The following LITAF variants were observed in gnomAD, a reference collection of about 807,000 sequenced individuals.
The protein encoded by LITAF is lipopolysaccharide induced TNF factor.
LITAF carries 9 observed loss-of-function variants against 14.5 expected under a neutral mutation model. The ratio of observed to expected loss-of-function variants is 0.62; its 90% CI spans 0.37 to 1.08. The LOEUF (loss-of-function observed/expected upper bound fraction) is 1.08. Among genes scored for constraint, LITAF ranks in the 50% least tolerant of loss-of-function variants. The pLI is 0.01. For synonymous variants in LITAF, 98 were observed against 88.2 expected, an observed-to-expected ratio of 1.11 and a Z score of -0.62; for missense variants, 206 against 213.4, an observed-to-expected ratio of 0.97 and a Z score of 0.22.
At chr16:11,560,228 T>G (rs1597336554) in intron 1 of LITAF, among the ~76,000 whole-genome samples, 1 of 150,722 alleles carries the variant, frequency 6.6e-6, no homozygotes, top group Non-Finnish European at 1.5e-5. Context: ...ACACGGGAGG[T>G]GGAGGTTGCA....
rs1226655058 is a variant in LITAF at position 11,547,787 on chromosome 16, G to A, written c.*1850C>T. ...TTGCCGCCATCAATGACGCCTATTGGGTTCCAATAGCCTCATGTTCAAATC... is the reference window on the plus strand; with the variant it reads ...TTGCCGCCATCAATGACGCCTATTGAGTTCCAATAGCCTCATGTTCAAATC... On this transcript the variant is annotated 3_prime_UTR_variant, in exon 4 of 4. Transcript: ENST00000622633. The A allele has an allele frequency of 1.1e-5, 5 of 453,932 alleles. No homozygotes were observed. Among genetic ancestry groups the A allele is most frequent in the African/African-American group, 1.0e-4 (5 of 49,982 alleles). The allele number at this position is 453,932 out of a possible 1,614,324, so 28.1% of individuals were successfully genotyped here. A position where few individuals can be genotyped will look rare whatever the true frequency, so the allele number is the denominator to read the frequency against.
intron 1 of LITAF, among the ~76,000 whole-genome samples, chr16:11,582,201 A>G (rs1040663824): frequency 6.6e-6 from 1 of 152,116 alleles, no homozygotes; most frequent in Non-Finnish European, 1.5e-5. Flanking sequence ...TCTTTATCCC[A>G]TAAATGTGTA....
chr16:11,588,036 C>T (rs1279371701), upstream of LITAF, among the ~76,000 whole-genome samples: 1 of 152,096 alleles, frequency 6.6e-6, no homozygotes, highest in Non-Finnish European at 1.5e-5. Flanking sequence ...GGTCCCTCAG[C>T]AAAGTGTCCC....
intron 1 of LITAF, among the ~76,000 whole-genome samples, chr16:11,578,107 C>T (rs1407942232): frequency 6.6e-6 from 1 of 152,080 alleles, no homozygotes; most frequent in Non-Finnish European, 1.5e-5. Flanking sequence ...ATATGTTGCT[C>T]AGGCCGGTCT....
chr16:11,618,439 T>A (rs536833272), intron 3 of LITAF, among the ~76,000 whole-genome samples: 97 of 152,346 alleles, frequency 6.4e-4, no homozygotes, highest in African/African-American at 2.2e-3. Context: ...GACTGAGTCC[T>A]TTGACCGTGC....
At chr16:11,599,307 G>T (rs552476465), upstream of LITAF, among the ~76,000 whole-genome samples, 1 of 152,024 alleles carries the variant, frequency 6.6e-6, no homozygotes, top group East Asian at 1.9e-4. Context: ...TAGTAGAGAC[G>T]GGGTTTCACC....
At chr16:11,638,893 T>C (rs2065153732), upstream of LITAF, among the ~76,000 whole-genome samples, 1 of 152,046 alleles carries the variant, frequency 6.6e-6, no homozygotes, top group African/African-American at 2.4e-5. Context: ...GTGTATTTTT[T>C]TTTTTGCATT....
chr16:11,597,803 C>T (rs762434936), intron 1 of LITAF, among the ~76,000 whole-genome samples: 6 of 152,204 alleles, frequency 3.9e-5, no homozygotes, highest in Non-Finnish European at 7.3e-5. Context: ...CTGTTTTCCC[C>T]GCTCCAGCCC....
intron 1 of LITAF, among the ~76,000 whole-genome samples, chr16:11,581,609 G>A (rs1056948795): frequency 1.3e-5 from 2 of 152,078 alleles, no homozygotes; most frequent in African/African-American, 4.8e-5. Context: ...ACAGAACAAG[G>A]CCCTATCTCA....
chr16:11,611,764 G>C lies in LITAF; in HGVS notation c.85+21769C>G, dbSNP rs183749223. Among the ~76,000 whole-genome samples, 57 of 151,784 alleles carry C rather than the reference G, an allele frequency of 3.8e-4. 1 individual carries two copies. Among genetic ancestry groups the C allele is most frequent in the Admixed American group, 3.2e-3 (48 of 15,238 alleles). ...TGCAATCTCCACCTCTCGGGTTCAA[G>C]TGATTCTCCTGCCTCAGCCTCCTGA... On this transcript the variant is annotated intron_variant, in intron 3 of 3. Transcript: ENST00000574848.
Position 11,563,036 on chromosome 16 carries a change from G to A in LITAF, c.-5-6301C>T, listed in dbSNP as rs1211548096. Among the ~76,000 whole-genome samples the A allele has an allele frequency of 3.3e-5, 5 of 151,872 alleles. No individual in the cohort carries two copies. In the East Asian group the frequency reaches 9.7e-4, roughly 29 times the overall value. On this transcript the variant is annotated intron_variant, in intron 1 of 3. Coordinates refer to ENST00000622633, the MANE Select transcript of LITAF (RefSeq NM_001136472.2). ...CCAGCTATTAAGGAAGCTGAGGTCG[G>A]AGGATTTGCTCGAGCCTGGGAGCTT...
chr16:11,576,434 A>T (rs2064635267), intron 1 of LITAF, among the ~76,000 whole-genome samples: 1 of 151,730 alleles, frequency 6.6e-6, no homozygotes. Flanking sequence ...GCACCACTGC[A>T]CTCCAGCCTA....
chr16:11,554,161 G>A (rs2064229691), intron 2 of LITAF, among the ~76,000 whole-genome samples: 1 of 152,168 alleles, frequency 6.6e-6, no homozygotes, highest in African/African-American at 2.4e-5. Context: ...GAGTCTGAGA[G>A]ATTGAGGATG....
At chr16:11,599,089 G>C (rs1254725705), upstream of LITAF, among the ~76,000 whole-genome samples, 1 of 151,134 alleles carries the variant, frequency 6.6e-6, no homozygotes, top group East Asian at 1.9e-4. Flanking sequence ...CAAAGTGTTA[G>C]GATTACAGGT....
intron 1 of LITAF, among the ~76,000 whole-genome samples, chr16:11,565,797 C>G (rs1287491962): frequency 7.6e-6 from 1 of 130,720 alleles, no homozygotes; most frequent in Non-Finnish European, 1.6e-5. Context: ...TGCCTCCTTC[C>G]TGATGGGTCT....
At position 11,570,866 on chromosome 16, in the gene LITAF, C is replaced by T. The variant is rs530198554; in HGVS notation, c.-5-14131G>A. On this transcript the variant is annotated intron_variant, in intron 1 of 3. Transcript: ENST00000622633. ...CTAGGGGGTTGAGGCTGCAGTGAGC[C>T]ACAGCTGCACCACTACACTCCAGCC... 3.3e-5 allele frequency among the ~76,000 whole-genome samples: 5 copies of T among 151,974 alleles called. No homozygotes were observed. In the South Asian group the frequency reaches 1.0e-3, roughly 32 times the overall value.
upstream of LITAF, among the ~76,000 whole-genome samples, chr16:11,600,606 ACCTACCTTTTCCTAATT>A (rs1204741268): frequency 6.6e-6 from 1 of 152,036 alleles, no homozygotes; most frequent in Non-Finnish European, 1.5e-5. This position sits in a 1 kb window ranked among gnomAD's most constrained non-coding sequence, Gnocchi z 4.1. Context: ...TTTGACATAT[ACCTACCTTTTCCTAATT>A]GGTTTTCTAC....
chr16:11,632,383 G>A lies in LITAF; in HGVS notation c.85+1150C>T, dbSNP rs75111514. On this transcript the variant is annotated intron_variant, in intron 3 of 3. Coordinates refer to the LITAF transcript ENST00000574848. The surrounding 1 kb of genome is among the most constrained non-coding windows in gnomAD (Gnocchi z 4.8). ...GTGAAGGAGGCACCGAGATGACAGA[G>A]ACAGGGAGAGGGACAGAGACAGGGA... is the stretch of plus-strand genomic sequence containing the variant. Among the ~76,000 whole-genome samples, 3,463 of 152,138 alleles carry A rather than the reference G, an allele frequency of 0.023. 59 individuals are homozygous for A. Among genetic ancestry groups the A allele is most frequent in the Non-Finnish European group, 0.034 (2,319 of 67,974 alleles).
intron 1 of LITAF, among the ~76,000 whole-genome samples, chr16:11,567,942 C>T (rs2064479717): frequency 6.6e-6 from 1 of 152,116 alleles, no homozygotes; most frequent in Admixed American, 6.5e-5. Flanking sequence ...TGAGATCATG[C>T]CACTGTGCTC....
Sources: gnomAD v4.1 joint callset for allele counts (sites outside exome capture counted in the v4.1 genomes callset) on GRCh38, gnomAD v4.1.1 for gene constraint, Gnocchi (gnomAD v3.1) non-coding constraint, MANE v1.5 for transcripts, NCBI Gene and HGNC (gene_info 2026-07-23, HGNC 2026-07-21) for gene names.